Variants in AATK observed in about 807,000 individuals in gnomAD.
The protein encoded by AATK is serine/threonine-protein kinase LMTK1.
In AATK, 91 loss-of-function variants were observed where a neutral mutation model predicts 114.3. That is an observed-to-expected ratio of 0.80 (90% confidence interval 0.67 to 0.95). AATK has a LOEUF of 0.95. AATK is among the 40% of genes least tolerant of loss of function. The pLI is 0.00. For synonymous variants in AATK, 1,075 were observed against 916.5 expected (o/e 1.17, Z -3.12); for missense variants, 2,176 against 1,965.2 (o/e 1.11, Z -2.03).
Position 81,122,414 on chromosome 17 carries a change from G to C in AATK, c.1522C>G (p.Pro508Ala). The change falls in exon 11 of 14, where the codon CCC becomes GCC. Residue 508 changes from proline (P) to alanine (A), a missense_variant. Coordinates refer to ENST00000326724, the MANE Select transcript of AATK (RefSeq NM_001080395.3). Reference protein sequence around the residue: ...RTARLQELCAPDGAPPGVVPV... With the variant: ...RTARLQELCAADGAPPGVVPV... ...ACCACGCCCGGGGGCGCGCCGTCGGGGGCGCACAGCTCCTGCAGGCGTGCG... is the reference window on the plus strand; with the variant it reads ...ACCACGCCCGGGGGCGCGCCGTCGGCGGCGCACAGCTCCTGCAGGCGTGCG... The C allele has an allele frequency of 6.8e-7, 1 of 1,463,808 alleles. No homozygotes were observed. The highest frequency in any genetic ancestry group is 9.0e-7 in the Non-Finnish European group (1 of 1,111,076). The allele number at this position is 1,463,808 out of a possible 1,614,324, so 90.7% of individuals were successfully genotyped here.
chr17:81,124,244 T>TTTTAATGATA (rs2060756611), intron 9 of AATK, among the ~76,000 whole-genome samples: 5 of 150,832 alleles, frequency 3.3e-5, no homozygotes, highest in Non-Finnish European at 5.9e-5. Context: ...CCCTGGCGGC[T>TTTTAATGATA]CGGCCCTGCC....
intron 1 of AATK, among the ~76,000 whole-genome samples, chr17:81,153,780 G>A (rs2061327097): frequency 6.6e-6 from 1 of 152,118 alleles, no homozygotes; most frequent in Non-Finnish European, 1.5e-5. Flanking sequence ...AATCACAGAA[G>A]AATTTCAAAA....
intron 6 of AATK, among the ~76,000 whole-genome samples, chr17:81,127,304 C>T (rs2060854658): frequency 6.6e-6 from 1 of 152,154 alleles, no homozygotes; most frequent in South Asian, 2.1e-4. Context: ...CCTCCTGAAC[C>T]ACAGGGCACA....
intron 4 of AATK, 86 bp from the exon 5 acceptor site, chr17:81,127,996 G>A (rs181955263): frequency 2.9e-5 from 43 of 1,497,122 alleles, no homozygotes; most frequent in Non-Finnish European, 3.6e-5. Flanking sequence ...CCCGCCCCAC[G>A]CCGGCCCCCA....
chr17:81,132,701 C>A, intron 2 of AATK: 1 of 325,332 alleles, frequency 3.1e-6, no homozygotes, highest in Non-Finnish European at 6.4e-6. Context: ...AGCGTGCAAT[C>A]AGGTAGCACA....
intron 13 of AATK, 124 bp from the exon 14 acceptor site, chr17:81,118,566 CT>C (rs1307658118): frequency 1.1e-5 from 11 of 980,454 alleles, no homozygotes; most frequent in Non-Finnish European, 1.7e-5. Context: ...TGCAGCAGAT[CT>C]GGCTGTGTCT....
intron 1 of AATK, among the ~76,000 whole-genome samples, chr17:81,158,934 G>A (rs115498314): frequency 1.3e-5 from 2 of 152,156 alleles, no homozygotes; most frequent in South Asian, 4.1e-4. Flanking sequence ...TGATCCCTGG[G>A]GCCGCTATAC....
At chr17:81,124,447 G>A (rs895028549) in intron 9 of AATK, among the ~76,000 whole-genome samples, 1 of 152,100 alleles carries the variant, frequency 6.6e-6, no homozygotes, top group Non-Finnish European at 1.5e-5. Context: ...ACTCACCAAG[G>A]CCCCCGTCTC....
chr17:81,138,632 TATCCACAC>T (rs1011551388), intron 1 of AATK, among the ~76,000 whole-genome samples: 61 of 123,882 alleles, frequency 4.9e-4, no homozygotes, highest in African/African-American at 1.7e-3. Context: ...CCCACACACA[TATCCACAC>T]ATCCACACAT....
At chr17:81,128,959 C>A in intron 3 of AATK, 1 of 1,067,598 alleles carries the variant, frequency 9.4e-7, no homozygotes, top group Non-Finnish European at 1.2e-6. Context: ...CGCAGGCTGG[C>A]ATCCCACGCC....
intron 1 of AATK, among the ~76,000 whole-genome samples, chr17:81,141,956 CCTTCCTT>C (rs1461655691): frequency 3.1e-4 from 30 of 97,064 alleles, no homozygotes; most frequent in Non-Finnish European, 5.1e-4. Flanking sequence ...TCCTTCCTTT[CCTTCCTT>C]CCTTCCTTCC....
rs767471088 is a variant in AATK, at chr17:81,121,446, A to T, written c.2490T>A (p.Ala830=). 6.3e-7 allele frequency: 1 copy of T among 1,597,664 alleles called. No individual in the cohort carries two copies. The highest frequency in any genetic ancestry group is 8.5e-7 in the Non-Finnish European group (1 of 1,172,008). The change falls in exon 11 of 14, where the codon GCT becomes GCA. Residue 830 remains alanine, a synonymous_variant. Transcript: ENST00000326724. The part of the protein sequence containing the change: ...PDALPDSPTP[A]TGGEVSAIKL... Reference sequence around the variant, plus strand: ...TGATGGCAGACACCTCGCCACCAGTAGCAGGCGTGGGAGAGTCAGGCAGGG... The same window carrying T: ...TGATGGCAGACACCTCGCCACCAGTTGCAGGCGTGGGAGAGTCAGGCAGGG...
At chr17:81,153,638 G>A (rs1430031224) in intron 1 of AATK, among the ~76,000 whole-genome samples, 1 of 152,178 alleles carries the variant, frequency 6.6e-6, no homozygotes, top group African/African-American at 2.4e-5. Flanking sequence ...TCCGTCACCA[G>A]CACTATTTCC....
intron 1 of AATK, among the ~76,000 whole-genome samples, chr17:81,135,263 C>T (rs941496825): frequency 6.6e-6 from 1 of 152,188 alleles, no homozygotes; most frequent in Non-Finnish European, 1.5e-5. Context: ...CTGAGCTGAG[C>T]CAGGCTTTGA....
intron 1 of AATK, among the ~76,000 whole-genome samples, chr17:81,157,405 C>T (rs947082242): frequency 6.6e-6 from 1 of 152,286 alleles, no homozygotes; most frequent in African/African-American, 2.4e-5. Flanking sequence ...ACATGCCTGC[C>T]GCACACGCTG....
intron 1 of AATK, among the ~76,000 whole-genome samples, chr17:81,146,391 G>T (rs1294198120): frequency 6.6e-6 from 1 of 151,464 alleles, no homozygotes; most frequent in African/African-American, 2.4e-5. Flanking sequence ...AGCAAACTAC[G>T]TGAAGTCAGC....
Position 81,123,184 on chromosome 17 carries a change from G to T in AATK, c.1112+10C>A. 1 of 1,423,178 alleles carries T rather than the reference G, an allele frequency of 7.0e-7. No individual in the cohort carries two copies. The highest frequency in any genetic ancestry group is 9.2e-7 in the Non-Finnish European group (1 of 1,092,452). 88.2% of individuals were successfully genotyped at this position (1,423,178 alleles called of 1,614,324 possible). A position where few individuals can be genotyped will look rare whatever the true frequency, so the allele number is the denominator to read the frequency against. On this transcript the variant is annotated intron_variant, in intron 10 of 13. Transcript: ENST00000326724. ...CCTGGCTGTCCGGGACAGGGCAGTG[G>T]GGCCCTCACCAGCGGTCCGACAGGG...
intron 1 of AATK, among the ~76,000 whole-genome samples, chr17:81,155,300 G>A (rs924906609): frequency 3.3e-5 from 5 of 152,166 alleles, no homozygotes; most frequent in African/African-American, 9.7e-5. Context: ...TCAGACGAAC[G>A]CAGTGATGTG....
intron 1 of AATK, among the ~76,000 whole-genome samples, chr17:81,158,105 G>A (rs1020724578): frequency 1.3e-5 from 2 of 152,206 alleles, no homozygotes; most frequent in African/African-American, 4.8e-5. Flanking sequence ...GATGCATGCC[G>A]GCCACGGGTA....
Sources: allele counts gnomAD v4.1 joint callset (sites outside exome capture counted in the v4.1 genomes callset), GRCh38; gene constraint gnomAD v4.1.1; transcripts MANE v1.5; gene names NCBI Gene and HGNC (gene_info 2026-07-23, HGNC 2026-07-21).